The following ANTXR2 variants were observed in gnomAD, a reference collection of about 807,000 sequenced individuals.
ANTXR2 encodes ANTXR cell adhesion molecule 2.
ANTXR2 carries 44 observed loss-of-function variants against 73.7 expected under a neutral mutation model. That is an observed-to-expected ratio of 0.60 (90% CI 0.47 to 0.77). The LOEUF (loss-of-function observed/expected upper bound fraction) is 0.77. Among genes scored for constraint, ANTXR2 ranks in the 30% least tolerant of loss-of-function variants. ANTXR2 has a pLI of 0.00. For synonymous variants in ANTXR2, 217 were observed against 205.9 expected (o/e 1.05, Z -0.46); for missense variants, 604 against 592.5 (o/e 1.02, Z -0.20).
chr4:79,959,536 G>A (rs1729066439), intron 16 of ANTXR2, among the ~76,000 whole-genome samples: 1 of 152,084 alleles, frequency 6.6e-6, no homozygotes, highest in African/African-American at 2.4e-5. Context: ...ATATCACAGG[G>A]TAATTATGTT....
intron 11 of ANTXR2, among the ~76,000 whole-genome samples, chr4:80,010,230 G>T (rs1185319261): frequency 6.6e-6 from 1 of 152,024 alleles, no homozygotes; most frequent in Non-Finnish European, 1.5e-5. Context: ...ATCAGCTACC[G>T]TCCACAGGCA....
chr4:79,922,156 A>G (rs1727617055), intron 16 of ANTXR2, among the ~76,000 whole-genome samples: 1 of 152,068 alleles, frequency 6.6e-6, no homozygotes, highest in South Asian at 2.1e-4. Flanking sequence ...TTGAAATTCT[A>G]TAGGCTAAAA....
chr4:79,917,020 A>G (rs1286723404), intron 16 of ANTXR2, among the ~76,000 whole-genome samples: 2 of 152,230 alleles, frequency 1.3e-5, no homozygotes, highest in Non-Finnish European at 2.9e-5. Flanking sequence ...ACAAACATGT[A>G]AATGTTTGAC....
chr4:79,956,521 A>G (rs1484729943), intron 16 of ANTXR2, among the ~76,000 whole-genome samples: 2 of 152,072 alleles, frequency 1.3e-5, no homozygotes, highest in Non-Finnish European at 2.9e-5. Flanking sequence ...TCATCTCTAG[A>G]TCTCATATTC....
chr4:80,061,284 CTGTGTG>C (rs60730236), intron 3 of ANTXR2, among the ~76,000 whole-genome samples: 16 of 149,074 alleles, frequency 1.1e-4, no homozygotes, highest in East Asian at 2.0e-4. Context: ...GTGTGTGCCT[CTGTGTG>C]TGTGTGTGTG....
Position 80,049,898 on chromosome 4 carries a change from C to T in ANTXR2, c.636+4374G>A, listed in dbSNP as rs144010572. Among the ~76,000 whole-genome samples, 267 of 151,836 alleles carry T rather than the reference C, an allele frequency of 1.8e-3. 1 individual carries two copies. The highest frequency in any genetic ancestry group is 6.0e-3 in the African/African-American group (250 of 41,476). ...GACAGCTAATATTTGCCATGTCTCTCGGAGCCCAGCTCAACAAGAGTCAAA... is the reference window on the plus strand; with the variant it reads ...GACAGCTAATATTTGCCATGTCTCTTGGAGCCCAGCTCAACAAGAGTCAAA... On this transcript the variant is annotated intron_variant, in intron 7 of 16. Transcript: ENST00000403729.
chr4:80,064,754 C>T (rs541448684), intron 3 of ANTXR2, among the ~76,000 whole-genome samples: 2 of 152,250 alleles, frequency 1.3e-5, no homozygotes, highest in South Asian at 2.1e-4. Context: ...AATGTGGAAA[C>T]AAGCTCAGTC....
At chr4:79,997,056 G>A (rs1179661644) in intron 12 of ANTXR2, among the ~76,000 whole-genome samples, 2 of 149,294 alleles carry the variant, frequency 1.3e-5, no homozygotes, top group East Asian at 2.0e-4. Flanking sequence ...GAAGAGAGCC[G>A]ATTTCTTTAA....
chr4:79,981,928 A>G (rs1308813534), intron 14 of ANTXR2, among the ~76,000 whole-genome samples: 3 of 152,154 alleles, frequency 2.0e-5, no homozygotes, highest in Non-Finnish European at 4.4e-5. Context: ...TGAGAGTTAA[A>G]AACTCTTGAA....
At chr4:79,914,157 A>G (rs1454671955) in intron 16 of ANTXR2, among the ~76,000 whole-genome samples, 1 of 152,126 alleles carries the variant, frequency 6.6e-6, no homozygotes, top group East Asian at 1.9e-4. Flanking sequence ...TAAGGGACCA[A>G]TTCTCCTTGG....
At chr4:80,064,075 T>C (rs1289564438) in intron 3 of ANTXR2, among the ~76,000 whole-genome samples, 4 of 152,166 alleles carry the variant, frequency 2.6e-5, no homozygotes, top group African/African-American at 9.7e-5. Context: ...TTAATTCAGC[T>C]TTTAAGAAAT....
At position 79,903,556 on chromosome 4, in the gene ANTXR2, A is replaced by T. The variant is rs1372919091; in HGVS notation, c.*3873T>A. ...AACCTGCTACATTATGGATTTTCAAAAACAACAACAAAAAAGTCTTTCTTT... is the reference window on the plus strand; with the variant it reads ...AACCTGCTACATTATGGATTTTCAATAACAACAACAAAAAAGTCTTTCTTT... On this transcript the variant is annotated 3_prime_UTR_variant, in exon 17 of 17. Coordinates refer to ENST00000403729, the MANE Select transcript of ANTXR2 (RefSeq NM_058172.6). The T allele has an allele frequency of 2.0e-5, 3 of 152,196 alleles. No homozygotes were observed. In the East Asian group the frequency reaches 5.8e-4, roughly 29 times the overall value. The allele number at this position is 152,196 out of a possible 1,614,324, so 9.4% of individuals were successfully genotyped here. A position where few individuals can be genotyped will look rare whatever the true frequency, so the allele number is the denominator to read the frequency against.
intron 16 of ANTXR2, among the ~76,000 whole-genome samples, chr4:79,910,082 G>A (rs1264821507): frequency 6.6e-6 from 1 of 152,134 alleles, no homozygotes; most frequent in African/African-American, 2.4e-5. Flanking sequence ...TAACTACTGT[G>A]TACCTCAGTT....
chr4:79,904,715 G>A lies in ANTXR2; in HGVS notation c.*2714C>T, dbSNP rs1023301438. 2 of 152,230 alleles carry A rather than the reference G, an allele frequency of 1.3e-5. No individual in the cohort carries two copies. The highest frequency in any genetic ancestry group is 1.5e-5 in the Non-Finnish European group (1 of 67,990). 9.4% of individuals were successfully genotyped at this position (152,230 alleles called of 1,614,324 possible). ...TTGTTTTTGCAACCTTATGCAACAC[G>A]AATGGATTATGTGCAAGACTTATTC... On this transcript the variant is annotated 3_prime_UTR_variant, in exon 17 of 17. Transcript: ENST00000403729.
At chr4:79,984,941 C>G in intron 12 of ANTXR2, 78 bp from the exon 13 acceptor site, 1 of 1,155,418 alleles carries the variant, frequency 8.7e-7, no homozygotes, top group Non-Finnish European at 1.2e-6. Flanking sequence ...TAATTTGATA[C>G]ATAAAATACT....
intron 12 of ANTXR2, among the ~76,000 whole-genome samples, chr4:80,001,211 A>C (rs1460155517): frequency 6.6e-6 from 1 of 151,818 alleles, no homozygotes; most frequent in African/African-American, 2.4e-5. Flanking sequence ...ACATGTGCAC[A>C]TTGTGCAGGT....
chr4:80,021,373 C>T (rs1469258843), intron 10 of ANTXR2, among the ~76,000 whole-genome samples: 1 of 151,606 alleles, frequency 6.6e-6, no homozygotes, highest in Non-Finnish European at 1.5e-5. Flanking sequence ...AATTGTCTTC[C>T]CTAGTTCTTA....
chr4:79,947,379 C>T (rs1271259992), intron 16 of ANTXR2, among the ~76,000 whole-genome samples: 1 of 152,042 alleles, frequency 6.6e-6, no homozygotes, highest in African/African-American at 2.4e-5. Context: ...CTATTCACAA[C>T]AAGGATTGGT....
chr4:79,971,711 G>C (rs1186566165), intron 16 of ANTXR2, among the ~76,000 whole-genome samples: 160 of 40,670 alleles, frequency 3.9e-3, no homozygotes, highest in Middle Eastern at 0.01. Context: ...AAACTGGCTA[G>C]CCATATGTAG....
Sources: gnomAD v4.1 joint callset for allele counts (sites outside exome capture counted in the v4.1 genomes callset) on GRCh38, gnomAD v4.1.1 for gene constraint, MANE v1.5 for transcripts, NCBI Gene and HGNC (gene_info 2026-07-23, HGNC 2026-07-21) for gene names.